PDE1C: variants seen among roughly 807,000 people sequenced by gnomAD.
The protein encoded by PDE1C is phosphodiesterase 1C.
A neutral mutation model predicts 93.1 loss-of-function variants in PDE1C; 62 were observed. The ratio of observed to expected loss-of-function variants is 0.67; its 90% CI spans 0.54 to 0.82. PDE1C has a LOEUF of 0.82. Among genes scored for constraint, PDE1C ranks in the 40% least tolerant of loss-of-function variants. The pLI, the probability that PDE1C is intolerant of heterozygous loss-of-function variation, is 0.00. For missense variants in PDE1C, 742 were observed against 884.6 expected (o/e 0.84, Z 2.04); for synonymous variants, 325 against 310.1 (o/e 1.05, Z -0.50).
chr7:32,192,943 T>C (rs986130100), intron 2 of PDE1C, among the ~76,000 whole-genome samples: 61 of 152,166 alleles, frequency 4.0e-4, no homozygotes, highest in Admixed American at 6.5e-5. Context: ...TTGTTATATG[T>C]TGTAAATATG....
chr7:31,967,491 C>G (rs1304740803), intron 2 of PDE1C, among the ~76,000 whole-genome samples: 1 of 152,172 alleles, frequency 6.6e-6, no homozygotes, highest in Non-Finnish European at 1.5e-5. Context: ...CAAAGAAAGT[C>G]CACGACCAGA....
chr7:32,295,171 A>G (rs1246561478), intron 1 of PDE1C, among the ~76,000 whole-genome samples: 1 of 152,192 alleles, frequency 6.6e-6, no homozygotes, highest in Non-Finnish European at 1.5e-5. Flanking sequence ...ACATGCAGCA[A>G]TGGTCTCATC....
At chr7:32,035,924 G>T (rs905688903) in intron 2 of PDE1C, among the ~76,000 whole-genome samples, 1 of 152,152 alleles carries the variant, frequency 6.6e-6, no homozygotes, top group African/African-American at 2.4e-5. Flanking sequence ...TGACTTGAAG[G>T]GAGAGAAATT....
At chr7:32,348,801 A>G (rs1240640938) in intron 1 of PDE1C, among the ~76,000 whole-genome samples, 1 of 152,106 alleles carries the variant, frequency 6.6e-6, no homozygotes, top group Non-Finnish European at 1.5e-5. Context: ...CTATTCCAGA[A>G]CTTTGCATGG....
At chr7:32,035,019 G>A in intron 2 of PDE1C, among the ~76,000 whole-genome samples, 1 of 152,060 alleles carries the variant, frequency 6.6e-6, no homozygotes, top group South Asian at 2.1e-4. Flanking sequence ...TAAAGGCAAA[G>A]TTTAGTTTCT....
At chr7:31,835,472 A>C (rs1216585067) in intron 11 of PDE1C, among the ~76,000 whole-genome samples, 1 of 152,100 alleles carries the variant, frequency 6.6e-6, no homozygotes, top group African/African-American at 2.4e-5. Flanking sequence ...AATTAACCAT[A>C]AACTAAATAG....
At position 32,013,022 on chromosome 7, in the gene PDE1C, T is replaced by G. The variant is rs559600237; in HGVS notation, c.128+38532A>C. On this transcript the variant is annotated intron_variant, in intron 2 of 17. Transcript: ENST00000396191. ...AACAATAAAGTCCCTTGTTCTTAGTTTCTAATGTCCTGTAAAAGCAAATTT... is the reference window on the plus strand; with the variant it reads ...AACAATAAAGTCCCTTGTTCTTAGTGTCTAATGTCCTGTAAAAGCAAATTT... 6.6e-5 allele frequency among the ~76,000 whole-genome samples: 10 copies of G among 152,308 alleles called. 1 individual carries two copies. The highest frequency in any genetic ancestry group is 2.4e-4 in the African/African-American group (10 of 41,578).
chr7:31,665,351 T>C, the PDE1C span, among the ~76,000 whole-genome samples: 3 of 152,212 alleles, frequency 2.0e-5, no homozygotes, highest in Non-Finnish European at 4.4e-5. Context: ...ATTTTGTTTC[T>C]TTCATAGCAT....
intron 2 of PDE1C, among the ~76,000 whole-genome samples, chr7:31,965,217 T>C (rs182370502): frequency 0.04 from 5,982 of 150,094 alleles, 408 homozygotes; most frequent in African/African-American, 0.14. Context: ...TGAAAAAAAA[T>C]TAGATGAATG....
intron 1 of PDE1C, among the ~76,000 whole-genome samples, chr7:32,409,599 G>T (rs1285260101): frequency 2.0e-5 from 3 of 151,962 alleles, no homozygotes; most frequent in Admixed American, 1.3e-4. Flanking sequence ...AGGGAGATAT[G>T]GTTCAATATT....
chr7:31,855,069 TAAAA>T (rs70989615), intron 7 of PDE1C, among the ~76,000 whole-genome samples: 1 of 107,032 alleles, frequency 9.3e-6, no homozygotes. Context: ...TCCCTCTGTC[TAAAA>T]AAAAAAAAAA....
At chr7:32,195,961 C>T (rs543857124) in intron 2 of PDE1C, among the ~76,000 whole-genome samples, 14 of 152,194 alleles carry the variant, frequency 9.2e-5, no homozygotes, top group Admixed American at 5.9e-4. Context: ...ATGGAATGAC[C>T]TCATTATCAT....
chr7:32,262,349 T>G (rs1044745474), intron 1 of PDE1C, among the ~76,000 whole-genome samples: 3 of 152,058 alleles, frequency 2.0e-5, no homozygotes, highest in African/African-American at 7.2e-5. Context: ...GAGCAGGTGC[T>G]GGGAGGAAGG....
At chr7:31,697,265 C>A in the PDE1C span, 4 of 995,458 alleles carry the variant, frequency 4.0e-6, no homozygotes, top group African/African-American at 3.3e-5. Flanking sequence ...ACACTCAGTG[C>A]TACCTTTTAG....
chr7:31,937,655 A>G (rs555830060), intron 2 of PDE1C, among the ~76,000 whole-genome samples: 9 of 152,320 alleles, frequency 5.9e-5, no homozygotes, highest in African/African-American at 2.2e-4. Flanking sequence ...AAGTCACATC[A>G]AATAGACTTG....
chr7:32,054,997 T>C (rs1268428147), intron 1 of PDE1C, among the ~76,000 whole-genome samples: 2 of 152,178 alleles, frequency 1.3e-5, no homozygotes, highest in Non-Finnish European at 2.9e-5. Context: ...TCCTTCTGTG[T>C]GTCCCATAGT....
the PDE1C span, among the ~76,000 whole-genome samples, chr7:31,679,801 T>C: frequency 6.6e-6 from 1 of 152,268 alleles, no homozygotes; most frequent in South Asian, 2.1e-4. Context: ...ATATGAACGC[T>C]TGAGGTAATG....
intron 2 of PDE1C, among the ~76,000 whole-genome samples, chr7:31,971,386 G>C (rs1270648176): frequency 6.6e-6 from 1 of 152,154 alleles, no homozygotes; most frequent in Admixed American, 6.5e-5. Flanking sequence ...TTTGCTGCTT[G>C]CTAGCCATGT....
Position 31,847,815 on chromosome 7 carries a change from CAA to C in PDE1C, c.980+151_980+152del. ...GAGAAATAAGACATACATACATACA[CAA>C]AGAGAGGGTGAGAGTGAGAGAAAGA... On this transcript the variant is annotated intron_variant, in intron 9 of 17. Coordinates refer to ENST00000396191, the MANE Select transcript of PDE1C (RefSeq NM_001191057.4). 5.2e-6 allele frequency: 4 copies of C among 762,242 alleles called. No individual in the cohort carries two copies. In the East Asian group the frequency reaches 7.8e-5, roughly 15 times the overall value. 47.2% of individuals were successfully genotyped at this position (762,242 alleles called of 1,614,324 possible).
Sources: gnomAD v4.1 joint callset for allele counts (sites outside exome capture counted in the v4.1 genomes callset) on GRCh38, gnomAD v4.1.1 for gene constraint, MANE v1.5 for transcripts, NCBI Gene and HGNC (gene_info 2026-07-23, HGNC 2026-07-21) for gene names.